The following PHEX variants were observed in gnomAD, a reference collection of about 807,000 sequenced individuals.
The protein encoded by PHEX is phosphate regulating endopeptidase X-linked.
In PHEX, 16 loss-of-function variants were observed where a neutral mutation model predicts 68.0. That is an observed-to-expected ratio of 0.24 (90% confidence interval 0.16 to 0.36). The LOEUF (loss-of-function observed/expected upper bound fraction) is 0.36, where lower values mean the gene tolerates loss of function less well. Ranked by LOEUF, PHEX falls within the 10% of genes least tolerant of loss-of-function variation. PHEX has a pLI of 1.00. For missense variants in PHEX, 480 were observed against 575.5 expected, an observed-to-expected ratio of 0.83 and a Z score of 1.70; for synonymous variants, 208 against 205.1, an observed-to-expected ratio of 1.01 and a Z score of -0.12.
intron 11 of PHEX, among the ~76,000 whole-genome samples, chrX:22,128,717 T>C (rs1302050790): frequency 9.0e-6 from 1 of 111,149 alleles, no homozygotes. Context: ...TATTCAACTT[T>C]TTATTATTTA....
chrX:22,115,938 C>T (rs1315014368), intron 11 of PHEX, among the ~76,000 whole-genome samples: 1 of 112,230 alleles, frequency 8.9e-6, no homozygotes, highest in Non-Finnish European at 1.9e-5. Context: ...ATCTTTCTTC[C>T]ATATACTGAT....
chrX:22,080,012 TA>T (rs1489515018), intron 5 of PHEX, among the ~76,000 whole-genome samples: 2 of 111,368 alleles, frequency 1.8e-5, no homozygotes, highest in Non-Finnish European at 3.8e-5. Flanking sequence ...ATAGCATTGC[TA>T]AAAGTGGGGC....
chrX:22,207,065 T>C (rs1403684301), intron 15 of PHEX, among the ~76,000 whole-genome samples: 1 of 112,081 alleles, frequency 8.9e-6, no homozygotes, highest in Non-Finnish European at 1.9e-5. Flanking sequence ...CTGTCTTTTA[T>C]GGTCAGCATT....
intron 5 of PHEX, among the ~76,000 whole-genome samples, chrX:22,080,960 A>G (rs1929365959): frequency 8.9e-6 from 1 of 111,797 alleles, no homozygotes; most frequent in Admixed American, 9.5e-5. Context: ...ACACGACACA[A>G]GGTTCCGAAC....
chrX:22,222,537 G>T (rs1029358339), intron 18 of PHEX, among the ~76,000 whole-genome samples: 3 of 111,594 alleles, frequency 2.7e-5, no homozygotes, highest in Non-Finnish European at 5.6e-5. Flanking sequence ...CTAGCACAAG[G>T]CCTGACATAA....
chrX:22,062,362 A>T (rs1462706585), intron 3 of PHEX, among the ~76,000 whole-genome samples: 1 of 111,949 alleles, frequency 8.9e-6, no homozygotes, highest in African/African-American at 3.3e-5. Flanking sequence ...ATGTGATTTT[A>T]TGTTTTCTAG....
At chrX:22,224,268 C>G (rs768010249) in intron 18 of PHEX, among the ~76,000 whole-genome samples, 1 of 111,921 alleles carries the variant, frequency 8.9e-6, no homozygotes, top group Non-Finnish European at 1.9e-5. Flanking sequence ...CAGGTGTGAG[C>G]CACCGCACCC....
At position 22,178,124 on chromosome X, in the gene PHEX, T is replaced by C. The variant is rs140248973; in HGVS notation, c.1483-149T>C. ...TCACTGAGACTAAATTTCATGGCTT[T>C]GTGACTTCTGGGTCAACTGATAACA... On this transcript the variant is annotated intron_variant, in intron 13 of 21. Coordinates refer to ENST00000379374, the MANE Select transcript of PHEX (RefSeq NM_000444.6). The C allele has an allele frequency of 1.5e-3, 554 of 374,448 alleles. 5 individuals carry two copies. In the Admixed American group the frequency reaches 0.021, roughly 14 times the overall value. 30.9% of individuals were successfully genotyped at this position (374,448 alleles called of 1,213,427 possible). A position where few individuals can be genotyped will look rare whatever the true frequency, so the allele number is the denominator to read the frequency against.
intron 8 of PHEX, among the ~76,000 whole-genome samples, chrX:22,098,532 A>T (rs997197939): frequency 9.3e-6 from 1 of 107,389 alleles, no homozygotes; most frequent in Non-Finnish European, 1.9e-5. Flanking sequence ...CATACCTGTA[A>T]TCCCAGCACA....
intron 20 of PHEX, among the ~76,000 whole-genome samples, 184 bp downstream of exon 20, chrX:22,227,795 CTGAT>C (rs1403712303): frequency 8.9e-6 from 1 of 112,400 alleles, no homozygotes; most frequent in Non-Finnish European, 1.9e-5. Context: ...AATTAATTAA[CTGAT>C]TGAATCAAGG....
chrX:22,119,825 G>A (rs1421688687), intron 11 of PHEX, among the ~76,000 whole-genome samples: 1 of 110,459 alleles, frequency 9.1e-6, no homozygotes, highest in African/African-American at 3.3e-5. Flanking sequence ...TTGAACTCCT[G>A]ACTTTAAGTG....
At chrX:22,192,792 T>C (rs1347036835) in intron 15 of PHEX, among the ~76,000 whole-genome samples, 1 of 111,857 alleles carries the variant, frequency 8.9e-6, no homozygotes, top group Non-Finnish European at 1.9e-5. Context: ...GGGTCCTCCA[T>C]ACTGGCCGTT....
intron 15 of PHEX, among the ~76,000 whole-genome samples, chrX:22,210,039 C>G (rs1934869682): frequency 9.0e-6 from 1 of 110,640 alleles, no homozygotes; most frequent in South Asian, 3.8e-4. Flanking sequence ...AAAGGAATTC[C>G]CTTTCTGCTT....
At chrX:22,083,695 C>T (rs1929494286) in intron 5 of PHEX, among the ~76,000 whole-genome samples, 1 of 111,948 alleles carries the variant, frequency 8.9e-6, no homozygotes, top group South Asian at 3.6e-4. Context: ...TATACTCGAA[C>T]TTTACTACAT....
intron 3 of PHEX, among the ~76,000 whole-genome samples, chrX:22,073,716 T>C (rs766641968): frequency 4.2e-5 from 4 of 94,297 alleles, no homozygotes; most frequent in African/African-American, 1.6e-4. Context: ...CTTGGCTCAC[T>C]GCAACCTCTG....
intron 15 of PHEX, among the ~76,000 whole-genome samples, chrX:22,199,302 T>G (rs1017878987): frequency 9.1e-6 from 1 of 109,503 alleles, no homozygotes; most frequent in African/African-American, 3.3e-5. Flanking sequence ...TGAGGAGGAG[T>G]AGGAAGTTTA....
chrX:22,072,196 C>A (rs1928932009), intron 3 of PHEX, among the ~76,000 whole-genome samples: 2 of 111,842 alleles, frequency 1.8e-5, no homozygotes, highest in African/African-American at 6.5e-5. Flanking sequence ...CCACTGCACT[C>A]CAGCCTGGCG....
At chrX:22,129,253 A>G (rs766158300) in intron 11 of PHEX, among the ~76,000 whole-genome samples, 1 of 111,307 alleles carries the variant, frequency 9.0e-6, no homozygotes, top group East Asian at 2.8e-4. Context: ...AATGGTGTGC[A>G]ATTTAAAATT....
rs1198426834 is a variant in PHEX at position 22,249,455 on chromosome X, AATATATATATATATAT to A, written c.*1519_*1534del. ...TTGTGATTCTTTTAAAAAAAAAAAA[AATATATATATATATAT>A]ATATATATATATATATGTATATCTA... On this transcript the variant is annotated 3_prime_UTR_variant, in exon 22 of 22. Coordinates refer to ENST00000379374, the MANE Select transcript of PHEX (RefSeq NM_000444.6). The A allele has an allele frequency of 1.0e-4, 4 of 39,764 alleles. No homozygotes were observed. Among genetic ancestry groups the A allele is most frequent in the African/African-American group, 6.7e-4 (4 of 6,007 alleles). The allele number at this position is 39,764 out of a possible 1,213,427, so 3.3% of individuals were successfully genotyped here.
Sources: gnomAD v4.1 joint callset for allele counts (sites outside exome capture counted in the v4.1 genomes callset) on GRCh38, gnomAD v4.1.1 for gene constraint, MANE v1.5 for transcripts, NCBI Gene and HGNC (gene_info 2026-07-23, HGNC 2026-07-21) for gene names.